The following AKNAD1 variants were observed in gnomAD, a reference collection of about 807,000 sequenced individuals.
AKNAD1 encodes protein AKNAD1.
Under a neutral mutation model 90.8 loss-of-function variants are expected in AKNAD1, and 67 were observed. That is an observed-to-expected ratio of 0.74 (90% CI 0.61 to 0.90). The LOEUF (loss-of-function observed/expected upper bound fraction) is 0.90, where lower values mean the gene tolerates loss of function less well. Among genes scored for constraint, AKNAD1 ranks in the 40% least tolerant of loss-of-function variants. AKNAD1 has a pLI of 0.00. For missense variants in AKNAD1, 957 were observed against 975.4 expected (o/e 0.98, Z 0.25); for synonymous variants, 327 against 341.4 (o/e 0.96, Z 0.46).
At chr1:108,830,476 A>T (rs1238946039) in intron 10 of AKNAD1, 83 bp downstream of exon 10, 3 of 1,318,176 alleles carry the variant, frequency 2.3e-6, no homozygotes, top group Non-Finnish European at 3.2e-6. Flanking sequence ...GGCCTCAGTT[A>T]GTTGCCGCCC....
chr1:108,839,471 T>TAAAAAAAAAAAGAAAAA (rs1553203224), intron 6 of AKNAD1, among the ~76,000 whole-genome samples: 1 of 126,148 alleles, frequency 7.9e-6, no homozygotes, highest in African/African-American at 3.4e-5. Context: ...TCCGTCTCAA[T>TAAAAAAAAAAAGAAAAA]AAAAAAAAAA....
chr1:108,846,676 C>T (rs1664710693), intron 5 of AKNAD1, among the ~76,000 whole-genome samples: 1 of 152,110 alleles, frequency 6.6e-6, no homozygotes, highest in African/African-American at 2.4e-5. Context: ...TCACTTCTCA[C>T]TCTGTGTATT....
Position 108,830,599 on chromosome 1 carries a change from G to A in AKNAD1, c.1798C>T (p.Pro600Ser), listed in dbSNP as rs993735377. The change falls in exon 10 of 16, where the codon CCC (proline) becomes TCC (serine). Residue 600 changes from proline to serine, a missense_variant. Pro to Ser is a moderately conservative substitution (Grantham distance 74). Transcript: ENST00000370001. ...CGACAGAAGGCACAGCTCGGACTGG[G>A]TGCCGTCATCTCTGCACAATCCTGC... Reference protein sequence around the residue: ...RRQDCAEMTAPSPSCAFCRRL... With the variant: ...RRQDCAEMTASSPSCAFCRRL... 6.2e-7 allele frequency: 1 copy of A among 1,614,066 alleles called. No homozygotes were observed. The highest frequency in any genetic ancestry group is 1.1e-5 in the South Asian group (1 of 91,080).
intron 9 of AKNAD1, 65 bp from the exon 10 acceptor site, chr1:108,830,715 G>T: frequency 6.7e-7 from 1 of 1,492,126 alleles, no homozygotes; most frequent in African/African-American, 1.4e-5. Flanking sequence ...GGCTGCACAC[G>T]CACAGCCCAG....
chr1:108,852,688 G>A lies in AKNAD1; in HGVS notation c.-24C>T, dbSNP rs778439093. ...ATGTGTGTGCAGCCCGATCGCTCTC[G>A]TCCTCTGCCTCCTGAGCTGGCTGCT... is the stretch of plus-strand genomic sequence containing the variant. On this transcript the variant is annotated 5_prime_UTR_variant, in exon 2 of 16. The change creates a new upstream start codon in the 5' untranslated region. Transcript: ENST00000370001. 12 of 1,535,094 alleles carry A rather than the reference G, an allele frequency of 7.8e-6. No homozygotes were observed. The highest frequency in any genetic ancestry group is 1.7e-4 in the Middle Eastern group (1 of 5,722).
Position 108,823,367 on chromosome 1 carries a change from T to C in AKNAD1, c.2167+3A>G. ...GATGGGGTCATGCAGGAGATGTACTTACAGGGTGAAGAGTTTTTACTTTCA... is the reference window on the plus strand; with the variant it reads ...GATGGGGTCATGCAGGAGATGTACTCACAGGGTGAAGAGTTTTTACTTTCA... On this transcript the variant is annotated splice_donor_region_variant and intron_variant, in intron 13 of 15. Coordinates refer to ENST00000370001, the MANE Select transcript of AKNAD1 (RefSeq NM_152763.5). 6.2e-7 allele frequency: 1 copy of C among 1,604,906 alleles called. No homozygotes were observed. The highest frequency in any genetic ancestry group is 8.5e-7 in the Non-Finnish European group (1 of 1,171,546).
chr1:108,837,779 G>T, intron 6 of AKNAD1, 73 bp from the exon 7 acceptor site: 1 of 1,471,718 alleles, frequency 6.8e-7, no homozygotes, highest in Non-Finnish European at 9.4e-7. Flanking sequence ...GACAGTTCTT[G>T]AATACAGCAT....
Position 108,843,243 on chromosome 1 carries a change from G to A in AKNAD1, c.1270C>T (p.Leu424Phe). ...AGAAAGTTCTGCTCCAGCAGTTCAA[G>A]GTGTCCCTGCAGTTTCTCCAGGACC... Reference protein sequence around the residue: ...KLVLEKLQGHLELLEQNFLAT... With the variant: ...KLVLEKLQGHFELLEQNFLAT... Residue 424 changes from leucine to phenylalanine, a missense_variant, in exon 6 of 16, where the codon CTT (leucine) becomes TTT (phenylalanine). Leu to Phe is a conservative substitution (Grantham distance 22). Coordinates refer to ENST00000370001, the MANE Select transcript of AKNAD1 (RefSeq NM_152763.5). The A allele has an allele frequency of 6.2e-7, 1 of 1,614,066 alleles. No individual in the cohort carries two copies. The highest frequency in any genetic ancestry group is 8.5e-7 in the Non-Finnish European group (1 of 1,179,990).
At chr1:108,823,714 G>A in intron 11 of AKNAD1, 26 bp from the exon 12 acceptor site, 1 of 1,613,906 alleles carries the variant, frequency 6.2e-7, no homozygotes, top group Non-Finnish European at 8.5e-7. Context: ...TTGCATGAAT[G>A]AAGGGTAAGT....
intron 1 of AKNAD1, among the ~76,000 whole-genome samples, chr1:108,856,323 G>GCCAAC (rs1169015816): frequency 6.6e-6 from 1 of 152,090 alleles, no homozygotes; most frequent in Non-Finnish European, 1.5e-5. Flanking sequence ...AGAAAGGAAA[G>GCCAAC]ATACTTTGTT....
rs763986207 is a variant in AKNAD1, at chr1:108,817,031, A to G, written c.2379+17T>C. On this transcript the variant is annotated intron_variant, in intron 15 of 15. Coordinates refer to ENST00000370001, the MANE Select transcript of AKNAD1 (RefSeq NM_152763.5). ...TACGAGCTGCAATGCTTCTCGAATG[A>G]TTTTCTAAGTCCTCACCTCAGATTT... 6.8e-6 allele frequency: 11 copies of G among 1,613,272 alleles called. No homozygotes were observed. The African/African-American group carries it at 1.5e-4, about 22-fold the overall frequency.
intron 11 of AKNAD1, among the ~76,000 whole-genome samples, chr1:108,825,753 C>CT (rs1663977368): frequency 1.0e-5 from 1 of 96,600 alleles, no homozygotes; most frequent in Non-Finnish European, 2.4e-5. Context: ...AGTTCCAAGG[C>CT]GCTTTTTTTT....
chr1:108,817,028 A>G lies in AKNAD1; in HGVS notation c.2379+20T>C, dbSNP rs549510353. On this transcript the variant is annotated intron_variant, in intron 15 of 15. Coordinates refer to ENST00000370001, the MANE Select transcript of AKNAD1 (RefSeq NM_152763.5). ...ACTTACGAGCTGCAATGCTTCTCGA[A>G]TGATTTTCTAAGTCCTCACCTCAGA... 14 of 1,613,314 alleles carry G rather than the reference A, an allele frequency of 8.7e-6. No homozygotes were observed. Among genetic ancestry groups the G allele is most frequent in the Non-Finnish European group, 1.2e-5 (14 of 1,179,576 alleles).
intron 11 of AKNAD1, among the ~76,000 whole-genome samples, chr1:108,823,893 T>G (rs988020500): frequency 1.3e-5 from 2 of 152,202 alleles, no homozygotes. Context: ...TTTTGATAAT[T>G]AACATTTCTT....
At chr1:108,826,096 T>C (rs11102502) in intron 11 of AKNAD1, among the ~76,000 whole-genome samples, 87,921 of 151,360 alleles carry the variant, frequency 0.58, 26,572 homozygotes, top group African/African-American at 0.64. Context: ...CCTGGAAAAC[T>C]CCTACTTTGT....
intron 14 of AKNAD1, 83 bp from the exon 15 acceptor site, chr1:108,817,260 A>G: frequency 6.4e-7 from 1 of 1,561,494 alleles, no homozygotes; most frequent in Non-Finnish European, 8.7e-7. Context: ...GTGGTAGGTA[A>G]TGGCTCTGTG....
rs771542694 is a variant in AKNAD1 at position 108,834,984 on chromosome 1, G to A, written c.1609C>T (p.Gln537Ter). The A allele has an allele frequency of 2.6e-6, 4 of 1,563,650 alleles. No homozygotes were observed. The highest frequency in any genetic ancestry group is 4.3e-5 in the Admixed American group (2 of 46,570). Reference sequence around the variant, plus strand: ...TTGGGGGCCTCCTGCGGCCCTCCTTGGGGTGTCCCTGTTACCTCACTCCCA... The same window carrying A: ...TTGGGGGCCTCCTGCGGCCCTCCTTAGGGTGTCCCTGTTACCTCACTCCCA... ...SGGSEVTGTP[Q>*]GGPQEAPNEE... The change falls in exon 8 of 16, where the codon CAA becomes TAA. Residue 537 changes from glutamine (Q) to a stop codon, truncating the protein, a stop_gained. Coordinates refer to ENST00000370001, the MANE Select transcript of AKNAD1 (RefSeq NM_152763.5). LOFTEE classifies it high-confidence loss of function.
chr1:108,837,001 C>G (rs747421902), intron 7 of AKNAD1: 2 of 152,314 alleles, frequency 1.3e-5, no homozygotes, highest in South Asian at 4.1e-4. Context: ...GAAGGCCAAG[C>G]GGGCGGATCA....
At chr1:108,818,638 G>T (rs1396998504) in intron 14 of AKNAD1, among the ~76,000 whole-genome samples, 1 of 152,070 alleles carries the variant, frequency 6.6e-6, no homozygotes, top group African/African-American at 2.4e-5. Context: ...ATAGGTCAAG[G>T]AACCTGCCCA....
Sources: allele counts gnomAD v4.1 joint callset (sites outside exome capture counted in the v4.1 genomes callset), GRCh38; gene constraint gnomAD v4.1.1; transcripts MANE v1.5; gene names NCBI Gene and HGNC (gene_info 2026-07-23, HGNC 2026-07-21).